The following ATM variants were observed in gnomAD, a reference collection of about 807,000 sequenced individuals.
The protein encoded by ATM is serine-protein kinase ATM.
In ATM, 308 loss-of-function variants were observed where a neutral mutation model predicts 387.0. The ratio of observed to expected loss-of-function variants is 0.80; its 90% CI spans 0.73 to 0.87. ATM has a LOEUF of 0.87. Among genes scored for constraint, ATM ranks in the 40% least tolerant of loss-of-function variants. The pLI, the probability that ATM is intolerant of heterozygous loss-of-function variation, is 0.00. For missense variants in ATM, 3,312 were observed against 3,560.9 expected (o/e 0.93, Z 1.78); for synonymous variants, 1,156 against 1,187.3 (o/e 0.97, Z 0.54).
At chr11:108,333,755 C>T in intron 53 of ATM, 131 bp from the exon 54 acceptor site, 1 of 796,212 alleles carries the variant, frequency 1.3e-6, no homozygotes, top group Admixed American at 1.9e-5. Flanking sequence ...CCAGAGTCTT[C>T]ATTTCTCAAT....
At chr11:108,269,271 C>CT (rs4987973) in intron 18 of ATM, among the ~76,000 whole-genome samples, 5 of 151,982 alleles carry the variant, frequency 3.3e-5, no homozygotes, top group African/African-American at 9.7e-5. Context: ...TGGAACAGTT[C>CT]TTTTTTTTAT....
At chr11:108,320,939 A>G (rs567469993) in intron 44 of ATM, among the ~76,000 whole-genome samples, 1 of 152,236 alleles carries the variant, frequency 6.6e-6, no homozygotes, top group South Asian at 2.1e-4. Context: ...AGAAAATGTT[A>G]TTGAAAATTA....
At chr11:108,342,394 TAAA>T (rs1207724707) in intron 56 of ATM, among the ~76,000 whole-genome samples, 1 of 152,198 alleles carries the variant, frequency 6.6e-6, no homozygotes, top group Non-Finnish European at 1.5e-5. Context: ...TAGTATTGAA[TAAA>T]AAACCAAATT....
intron 56 of ATM, among the ~76,000 whole-genome samples, chr11:108,342,803 G>A (rs1030885236): frequency 2.0e-5 from 3 of 152,108 alleles, no homozygotes; most frequent in Non-Finnish European, 2.9e-5. Context: ...CAATAATGAA[G>A]TTACACTAAA....
chr11:108,250,563 A>C, intron 9 of ATM, 138 bp from the exon 10 acceptor site: 1 of 967,060 alleles, frequency 1.0e-6, no homozygotes, highest in South Asian at 1.6e-5. Context: ...ATTAACAGCC[A>C]GTTTATTTTT....
At chr11:108,311,913 C>T (rs1044478573) in intron 39 of ATM, among the ~76,000 whole-genome samples, 4 of 152,160 alleles carry the variant, frequency 2.6e-5, no homozygotes, top group Non-Finnish European at 5.9e-5. Context: ...AATCTGAGTT[C>T]TAATCCTGAC....
chr11:108,310,047 A>C, intron 38 of ATM, 113 bp from the exon 39 acceptor site: 1 of 1,148,016 alleles, frequency 8.7e-7, no homozygotes, highest in South Asian at 1.4e-5. Flanking sequence ...GGTTTTTGGG[A>C]ATTTGTAATT....
rs373430058 is a variant in ATM, at chr11:108,256,277, C to T, written c.2187C>T (p.Tyr729=). The change falls in exon 14 of 63, where the codon TAC becomes TAT. Residue 729 remains tyrosine, a synonymous_variant. Transcript: ENST00000675843. ...SRLLVGVLGC[Y]CYMGVIAEEE... is the part of the protein sequence containing the mutation. ...TTTTGGTGGGTGTCCTTGGCTGCTA[C>T]TGTTACATGGGTGTAATAGCTGAAG... The T allele has an allele frequency of 1.1e-5, 17 of 1,611,110 alleles. No individual in the cohort carries two copies. The highest frequency in any genetic ancestry group is 3.3e-5 in the Admixed American group (2 of 59,940).
chr11:108,246,874 T>TG (rs1339405578), intron 7 of ATM, 90 bp from the exon 8 acceptor site: 1 of 1,080,186 alleles, frequency 9.3e-7, no homozygotes, highest in South Asian at 1.3e-5. Context: ...CTAACGCTGA[T>TG]GCAGCTTGAC....
chr11:108,269,045 CCT>C (rs773221752), intron 18 of ATM, among the ~76,000 whole-genome samples: 2 of 152,048 alleles, frequency 1.3e-5, no homozygotes, highest in Admixed American at 6.6e-5. Flanking sequence ...TTAATCATTC[CCT>C]CTCTCCACAC....
rs544882973 is a variant in ATM, at chr11:108,260,410, GATT to G, written c.2466+1339_2466+1341del. Among the ~76,000 whole-genome samples, 414 of 152,290 alleles carry G rather than the reference GATT, an allele frequency of 2.7e-3. 1 individual carries two copies. The highest frequency in any genetic ancestry group is 9.6e-3 in the African/African-American group (397 of 41,560). ...GGGTTACAAAGACTTCTGTGGTACA[GATT>G]ATTGTACTTTTGTCTATTTGTATTT... is the stretch of plus-strand genomic sequence containing the variant. On this transcript the variant is annotated intron_variant, in intron 16 of 62. Transcript: ENST00000675843.
intron 59 of ATM, among the ~76,000 whole-genome samples, chr11:108,348,830 C>G (rs1347242738): frequency 1.3e-5 from 2 of 152,154 alleles, no homozygotes; most frequent in Non-Finnish European, 2.9e-5. Flanking sequence ...GGAGAATTCT[C>G]TTCTGCATAA....
intron 33 of ATM, among the ~76,000 whole-genome samples, chr11:108,299,244 T>TTTAA (rs1384418495): frequency 6.6e-6 from 1 of 152,164 alleles, no homozygotes. Context: ...TTGAACTGTG[T>TTTAA]GTTTAAGATT....
In ATM at chr11:108,267,351, A is replaced by G. The variant is rs761592414; in HGVS notation, c.2638+9A>G. 18 of 1,612,678 alleles carry G rather than the reference A, an allele frequency of 1.1e-5. No homozygotes were observed. Among genetic ancestry groups the G allele is most frequent in the African/African-American group, 6.7e-5 (5 of 74,980 alleles). On this transcript the variant is annotated intron_variant, in intron 17 of 62. Transcript: ENST00000675843. ...GAGCCAAAGTACCATAGGTAAATAC[A>G]TATTTACTACTTGGGATTTCTTTTA...
Position 108,316,122 on chromosome 11 carries a change from T to C in ATM, c.6198+9T>C. 6.2e-7 allele frequency: 1 copy of C among 1,612,716 alleles called. No homozygotes were observed. The highest frequency in any genetic ancestry group is 8.5e-7 in the Non-Finnish European group (1 of 1,178,776). On this transcript the variant is annotated intron_variant, in intron 42 of 62. Coordinates refer to ENST00000675843, the MANE Select transcript of ATM (RefSeq NM_000051.4). ...AGGCAGGAATCATTCAGGTACATTT[T>C]TTCCCAGATTTGGTAAAGCCATCAC... is the stretch of plus-strand genomic sequence containing the variant.
At chr11:108,239,300 G>A (rs1044779561) in intron 5 of ATM, among the ~76,000 whole-genome samples, 3 of 152,190 alleles carry the variant, frequency 2.0e-5, no homozygotes, top group Non-Finnish European at 2.9e-5. Context: ...GCTGCTTTCA[G>A]CCTCCAAAAT....
At chr11:108,226,653 A>G (rs1192177625) in intron 1 of ATM, 1 of 152,176 alleles carries the variant, frequency 6.6e-6, no homozygotes, top group African/African-American at 2.4e-5. Flanking sequence ...GCTCCAAAGC[A>G]TGTTTTAAGC....
chr11:108,333,090 A>G (rs1156423980), intron 53 of ATM, among the ~76,000 whole-genome samples, 190 bp downstream of exon 53: 1 of 152,158 alleles, frequency 6.6e-6, no homozygotes, highest in Non-Finnish European at 1.5e-5. Context: ...AGAACTGGTA[A>G]TAGGTGACTA....
chr11:108,240,078 C>T (rs960269483), intron 5 of ATM, among the ~76,000 whole-genome samples: 10 of 152,182 alleles, frequency 6.6e-5, no homozygotes, highest in African/African-American at 2.4e-4. Flanking sequence ...CATTTGTTAC[C>T]ATCAGTAAAC....
Sources: gnomAD v4.1 joint callset for allele counts (sites outside exome capture counted in the v4.1 genomes callset) on GRCh38, gnomAD v4.1.1 for gene constraint, MANE v1.5 for transcripts, NCBI Gene and HGNC (gene_info 2026-07-23, HGNC 2026-07-21) for gene names.